Variants in PRDM16 observed in about 807,000 individuals in gnomAD.
PRDM16 encodes PR/SET domain 16, also known as histone-lysine N-methyltransferase PRDM16.
PRDM16 carries 23 observed loss-of-function variants against 110.6 expected under a neutral mutation model. That is an observed-to-expected ratio of 0.21 (90% CI 0.15 to 0.29). The LOEUF (loss-of-function observed/expected upper bound fraction) is 0.29. Among genes scored for constraint, PRDM16 ranks in the 10% least tolerant of loss-of-function variants. PRDM16 has a pLI of 1.00. For missense variants in PRDM16, 1,615 were observed against 1,794.3 expected (o/e 0.90, Z 1.81); for synonymous variants, 799 against 781.8 (o/e 1.02, Z -0.37).
At chr1:3,331,668 C>T (rs1299142641) in intron 3 of PRDM16, among the ~76,000 whole-genome samples, 2 of 152,226 alleles carry the variant, frequency 1.3e-5, no homozygotes, top group Non-Finnish European at 2.9e-5. Flanking sequence ...GGGCCGCTGA[C>T]AGCCCCTTCT....
chr1:3,181,780 G>GGTCTTACACA (rs1644205351), intron 1 of PRDM16, among the ~76,000 whole-genome samples: 2 of 100,656 alleles, frequency 2.0e-5, no homozygotes, highest in African/African-American at 8.9e-5. Flanking sequence ...TCTTACACAT[G>GGTCTTACACA]CAGTCTTACA....
chr1:3,247,822 G>T (rs1418385570), intron 3 of PRDM16, among the ~76,000 whole-genome samples: 2 of 152,264 alleles, frequency 1.3e-5, no homozygotes, highest in Admixed American at 6.5e-5. Context: ...TGTGGGTCGG[G>T]CTGCGTCGCG....
intron 3 of PRDM16, among the ~76,000 whole-genome samples, chr1:3,343,362 C>T (rs528784493): frequency 6.6e-6 from 1 of 150,780 alleles, no homozygotes; most frequent in Non-Finnish European, 1.5e-5. Context: ...CTTTATGTAT[C>T]CTAGATACAA....
Position 3,208,888 on chromosome 1 carries a change from C to T in PRDM16, c.387+22414C>T, listed in dbSNP as rs552886942. On this transcript the variant is annotated intron_variant, in intron 2 of 16. Coordinates refer to ENST00000270722, the MANE Select transcript of PRDM16 (RefSeq NM_022114.4). The surrounding 1 kb of genome is among the most constrained non-coding windows in gnomAD (Gnocchi z 6.1). ...GTCCAGAGGCCCCCCCAGGTCCCCA[C>T]GAGTGGGTGGAAAGTCTTGGGGACA... Among the ~76,000 whole-genome samples the T allele has an allele frequency of 6.6e-5, 10 of 152,232 alleles. No homozygotes were observed. The highest frequency in any genetic ancestry group is 1.3e-4 in the Admixed American group (2 of 15,296).
At chr1:3,238,598 G>A (rs1340991249) in intron 2 of PRDM16, among the ~76,000 whole-genome samples, 6 of 152,198 alleles carry the variant, frequency 3.9e-5, no homozygotes, top group Non-Finnish European at 7.4e-5. Flanking sequence ...TTTGCTCTGC[G>A]AGCCAGAGGC....
At chr1:3,170,323 G>C in intron 1 of PRDM16, among the ~76,000 whole-genome samples, 2 of 152,338 alleles carry the variant, frequency 1.3e-5, no homozygotes, top group Middle Eastern at 6.8e-3. Context: ...TTCCAGAGAG[G>C]GGCTGCAGCT....
chr1:3,123,329 CA>C (rs1643135445), intron 1 of PRDM16, among the ~76,000 whole-genome samples: 1 of 152,212 alleles, frequency 6.6e-6, no homozygotes, highest in Non-Finnish European at 1.5e-5. Flanking sequence ...CTGAGGGGTT[CA>C]AAGCAATGTA....
At position 3,208,479 on chromosome 1, in the gene PRDM16, A is replaced by C. The variant is rs932109965; in HGVS notation, c.387+22005A>C. 6.6e-6 allele frequency: 1 copy of C among 152,140 alleles called. No homozygotes were observed. The highest frequency in any genetic ancestry group is 1.5e-5 in the Non-Finnish European group (1 of 68,050). The allele number at this position is 152,140 out of a possible 1,614,324, so 9.4% of individuals were successfully genotyped here. A position where few individuals can be genotyped will look rare whatever the true frequency, so the allele number is the denominator to read the frequency against. The stretch of plus-strand genomic sequence containing the variant: ...TCAGGAGTTCGAGATCAGCCTGACC[A>C]ATATGGTGAGACGATGTCTCTACTA... On this transcript the variant is annotated intron_variant, in intron 2 of 16. Transcript: ENST00000270722. The surrounding 1 kb of genome is among the most constrained non-coding windows in gnomAD (Gnocchi z 6.1).
At chr1:3,086,950 G>A (rs907903278) in intron 1 of PRDM16, among the ~76,000 whole-genome samples, 1 of 152,042 alleles carries the variant, frequency 6.6e-6, no homozygotes, top group Admixed American at 6.6e-5. Context: ...TCCAATGAAA[G>A]TTAGAAAAAG....
chr1:3,281,590 A>T (rs950065877), intron 3 of PRDM16, among the ~76,000 whole-genome samples: 1 of 152,232 alleles, frequency 6.6e-6, no homozygotes, highest in African/African-American at 2.4e-5. Flanking sequence ...GGTTAGATTC[A>T]TTGATGAGTT....
chr1:3,395,048 T>C (rs576391440), intron 4 of PRDM16, among the ~76,000 whole-genome samples: 58 of 152,360 alleles, frequency 3.8e-4, no homozygotes, highest in African/African-American at 1.4e-3. Flanking sequence ...GTGCAGTTCC[T>C]GTCTGGGTGT....
At chr1:3,313,096 C>T (rs765904071) in intron 3 of PRDM16, among the ~76,000 whole-genome samples, 2 of 152,238 alleles carry the variant, frequency 1.3e-5, no homozygotes, top group East Asian at 1.9e-4. Flanking sequence ...CAAGGGCACC[C>T]GCAGACACTG....
At chr1:3,269,963 AAGG>A (rs1427395337) in intron 3 of PRDM16, among the ~76,000 whole-genome samples, 4 of 137,514 alleles carry the variant, frequency 2.9e-5, no homozygotes, top group Non-Finnish European at 6.3e-5. Flanking sequence ...GGACAGTCAG[AAGG>A]AGGACAGTTC....
chr1:3,181,269 CGGCCTTACGCAT>C (rs1644169386), intron 1 of PRDM16, among the ~76,000 whole-genome samples: 2 of 140,678 alleles, frequency 1.4e-5, no homozygotes, highest in Non-Finnish European at 1.6e-5. Context: ...GTCTTACACA[CGGCCTTACGCAT>C]GGTCTTACAC....
intron 1 of PRDM16, among the ~76,000 whole-genome samples, chr1:3,151,296 G>A (rs994606343): frequency 1.3e-5 from 2 of 152,228 alleles, no homozygotes; most frequent in African/African-American, 4.8e-5. Context: ...ACAGAAGTGG[G>A]GACGAGCAGG....
chr1:3,189,070 C>A (rs577580472), intron 2 of PRDM16, among the ~76,000 whole-genome samples: 1 of 152,196 alleles, frequency 6.6e-6, no homozygotes, highest in African/African-American at 2.4e-5. Flanking sequence ...AAGTGACTTG[C>A]GGGTGACTCC....
At chr1:3,305,064 T>C (rs2100399827) in intron 3 of PRDM16, among the ~76,000 whole-genome samples, 1 of 152,204 alleles carries the variant, frequency 6.6e-6, no homozygotes, top group African/African-American at 2.4e-5. Flanking sequence ...GAAACACACA[T>C]GTGCAGTGCT....
At chr1:3,273,976 TAAAAAAAAA>T (rs927412647) in intron 3 of PRDM16, among the ~76,000 whole-genome samples, 3 of 68,538 alleles carry the variant, frequency 4.4e-5, no homozygotes, top group African/African-American at 9.5e-5. Context: ...TATGGGGAGG[TAAAAAAAAA>T]AAAAAAAAAA....
At chr1:3,169,601 G>A (rs915439967) in intron 1 of PRDM16, among the ~76,000 whole-genome samples, 5 of 152,136 alleles carry the variant, frequency 3.3e-5, no homozygotes, top group African/African-American at 4.8e-5. Flanking sequence ...GAGTATCCCT[G>A]TCACCTCCTC....
Sources: allele counts gnomAD v4.1 joint callset (sites outside exome capture counted in the v4.1 genomes callset), GRCh38; gene constraint gnomAD v4.1.1; non-coding constraint Gnocchi (gnomAD v3.1); transcripts MANE v1.5; gene names NCBI Gene and HGNC (gene_info 2026-07-23, HGNC 2026-07-21).